The following PXT1 variants were observed in gnomAD, a reference collection of about 807,000 sequenced individuals.
The protein encoded by PXT1 is peroxisomal testis-specific protein 1.
PXT1 carries 11 observed loss-of-function variants against 11.0 expected under a neutral mutation model. The ratio of observed to expected loss-of-function variants is 1.00; its 90% CI spans 0.63 to 1.66. The LOEUF (loss-of-function observed/expected upper bound fraction) is 1.66. Among genes scored for constraint, PXT1 ranks in the 40% most tolerant of loss-of-function variants. The probability of loss-of-function intolerance (pLI) is 0.00; values close to 1 mark genes in which losing one functional copy is unlikely to be tolerated. For synonymous variants in PXT1, 43 were observed against 51.4 expected (o/e 0.84, Z 0.70); for missense variants, 141 against 155.5 (o/e 0.91, Z 0.49).
At chr6:36,427,423 T>C (rs371875136) in intron 2 of PXT1, among the ~76,000 whole-genome samples, 7 of 152,160 alleles carry the variant, frequency 4.6e-5, no homozygotes, top group Non-Finnish European at 8.8e-5. Flanking sequence ...AAATCTAAGT[T>C]ACTGGAAAGG....
rs531881991 is a variant in PXT1, at chr6:36,390,931, G to T, written c.*839C>A. The T allele has an allele frequency of 6.6e-6, 1 of 152,342 alleles. No individual in the cohort carries two copies. The highest frequency in any genetic ancestry group is 6.5e-5 in the Admixed American group (1 of 15,292). The allele number at this position is 152,342 out of a possible 1,614,324, so 9.4% of individuals were successfully genotyped here. ...CTAGAAGGCAGGACTGTTGGCCAAG[G>T]ACTAAGCACTCCCGATTTTAAGCAG... On this transcript the variant is annotated 3_prime_UTR_variant, in exon 5 of 5. Coordinates refer to ENST00000454782, the MANE Select transcript of PXT1 (RefSeq NM_152990.4).
In PXT1 at chr6:36,400,491, T is replaced by C. The variant is rs1390749046; in HGVS notation, c.263A>G (p.His88Arg). The change falls in exon 4 of 5, where the codon CAC (histidine) becomes CGC (arginine). Residue 88 changes from histidine (H) to arginine (R), a missense_variant. His to Arg is a conservative substitution (Grantham distance 29). Coordinates refer to ENST00000454782, the MANE Select transcript of PXT1 (RefSeq NM_152990.4). Reference protein sequence around the residue: ...IIHKLAMQLRHIGDNIDHRMV... With the variant: ...IIHKLAMQLRRIGDNIDHRMV... The stretch of plus-strand genomic sequence containing the variant: ...CCTATGATCAATGTTGTCCCCAATG[T>C]GTCTCAGCTGCATGGCCAACTTGTG... 6.2e-7 allele frequency: 1 copy of C among 1,614,062 alleles called. No homozygotes were observed. Among genetic ancestry groups the C allele is most frequent in the East Asian group, 2.2e-5 (1 of 44,878 alleles).
intron 3 of PXT1, 114 bp downstream of exon 3, chr6:36,425,800 C>CAAAAACAAACAAAAAAA (rs1433662209): frequency 9.2e-6 from 2 of 216,722 alleles, no homozygotes; most frequent in African/African-American, 6.7e-5. Flanking sequence ...AAAACAAAAA[C>CAAAAACAAACAAAAAAA]AAAAAATATA....
chr6:36,396,418 C>T (rs768576294), intron 4 of PXT1, among the ~76,000 whole-genome samples: 49 of 152,214 alleles, frequency 3.2e-4, no homozygotes, highest in Admixed American at 1.1e-3. Context: ...CTACCCCTAC[C>T]CCTGAAGGCT....
At chr6:36,431,897 C>T (rs1303467172) in intron 2 of PXT1, among the ~76,000 whole-genome samples, 2 of 151,954 alleles carry the variant, frequency 1.3e-5, no homozygotes, top group African/African-American at 2.4e-5. Context: ...ATGGTGAAAG[C>T]CCGTCTCCAC....
intron 3 of PXT1, among the ~76,000 whole-genome samples, chr6:36,419,138 G>A (rs1652519035): frequency 6.6e-6 from 1 of 152,214 alleles, no homozygotes; most frequent in South Asian, 2.1e-4. Flanking sequence ...GAAAAAAAGT[G>A]AGGACATCAA....
chr6:36,394,742 T>A (rs1470473871), intron 4 of PXT1, among the ~76,000 whole-genome samples: 1 of 146,886 alleles, frequency 6.8e-6, no homozygotes, highest in Non-Finnish European at 1.5e-5. Context: ...AAAACTGAAT[T>A]AAAAAAAAAA....
Position 36,391,863 on chromosome 6 carries a change from C to G in PXT1, c.312G>C (p.Gln104His), listed in dbSNP as rs776786350. ...AATGATCTAGTGCATCTCTGCCATC[C>G]TGTTGAAGATCCTATTTGAAAAAAG... is the stretch of plus-strand genomic sequence containing the variant. Reference protein sequence around the residue: ...DHRMVREDLQQDGRDALDHFV... With the variant: ...DHRMVREDLQHDGRDALDHFV... Residue 104 changes from glutamine to histidine, a missense_variant, in exon 5 of 5, where the codon CAG becomes CAC. Transcript: ENST00000454782. 14 of 1,607,726 alleles carry G rather than the reference C, an allele frequency of 8.7e-6. No individual in the cohort carries two copies. Among genetic ancestry groups the G allele is most frequent in the Admixed American group, 8.4e-5 (5 of 59,538 alleles).
chr6:36,405,571 T>C (rs540811700), intron 3 of PXT1, among the ~76,000 whole-genome samples: 1 of 152,156 alleles, frequency 6.6e-6, no homozygotes, highest in South Asian at 2.1e-4. Context: ...AGAGACGAGG[T>C]TTCACCATGT....
chr6:36,397,134 A>G (rs543117335), intron 4 of PXT1, among the ~76,000 whole-genome samples: 1 of 152,280 alleles, frequency 6.6e-6, no homozygotes, highest in East Asian at 1.9e-4. Flanking sequence ...TTGTCTGCAT[A>G]CCTCATTCTT....
chr6:36,400,394 A>G (rs1774196336), intron 4 of PXT1, 60 bp downstream of exon 4: 1 of 1,591,490 alleles, frequency 6.3e-7, no homozygotes, highest in Non-Finnish European at 8.6e-7. Context: ...TGGCAGCCGT[A>G]GTTTTGTTTG....
intron 3 of PXT1, among the ~76,000 whole-genome samples, chr6:36,403,868 AAAAT>A (rs1027371885): frequency 7.9e-5 from 12 of 152,202 alleles, no homozygotes; most frequent in Non-Finnish European, 1.6e-4. Flanking sequence ...AACCTGTCTC[AAAAT>A]AAATAAATAA....
chr6:36,432,948 T>C (rs945722890), intron 2 of PXT1, among the ~76,000 whole-genome samples: 1 of 151,594 alleles, frequency 6.6e-6, no homozygotes, highest in South Asian at 2.1e-4. Context: ...AAAAAGGTAC[T>C]TCTTAGGGGA....
At chr6:36,412,054 T>G (rs1774382730) in intron 3 of PXT1, among the ~76,000 whole-genome samples, 2 of 151,288 alleles carry the variant, frequency 1.3e-5, no homozygotes, top group Non-Finnish European at 2.9e-5. Flanking sequence ...AGAGAGGTTT[T>G]TAAAAATAAG....
At chr6:36,397,931 A>G (rs2127409965) in intron 4 of PXT1, among the ~76,000 whole-genome samples, 1 of 152,210 alleles carries the variant, frequency 6.6e-6, no homozygotes, top group South Asian at 2.1e-4. Context: ...TGGGAGGATC[A>G]ATTGAACCCA....
chr6:36,392,543 C>T lies in PXT1; in HGVS notation c.301-669G>A, dbSNP rs570370741. 3.9e-5 allele frequency among the ~76,000 whole-genome samples: 6 copies of T among 152,220 alleles called. No homozygotes were observed. The South Asian group carries it at 1.2e-3, about 32-fold the overall frequency. On this transcript the variant is annotated intron_variant, in intron 4 of 4. Coordinates refer to ENST00000454782, the MANE Select transcript of PXT1 (RefSeq NM_152990.4). Reference sequence around the variant, plus strand: ...AGGCATGGTGGCACACACCTGTAGTCCCAGCTACTCAGGAGGCTGAGGTGG... The same window carrying T: ...AGGCATGGTGGCACACACCTGTAGTTCCAGCTACTCAGGAGGCTGAGGTGG...
chr6:36,439,113 C>T (rs985961686), intron 1 of PXT1, among the ~76,000 whole-genome samples: 39 of 152,000 alleles, frequency 2.6e-4, no homozygotes, highest in Admixed American at 1.3e-3. Flanking sequence ...ATTCTCCTGC[C>T]TCAGCCTCTC....
At chr6:36,416,328 AACAG>A (rs1244784144) in intron 3 of PXT1, among the ~76,000 whole-genome samples, 4 of 152,200 alleles carry the variant, frequency 2.6e-5, no homozygotes, top group Admixed American at 1.3e-4. Flanking sequence ...CTGCCTGGGC[AACAG>A]ACAAAGACCC....
intron 2 of PXT1, among the ~76,000 whole-genome samples, chr6:36,435,471 G>C (rs1343985201): frequency 6.6e-6 from 1 of 152,114 alleles, no homozygotes; most frequent in African/African-American, 2.4e-5. Context: ...GCTGAGGCAG[G>C]AGGATACTTG....
Sources: allele counts gnomAD v4.1 joint callset (sites outside exome capture counted in the v4.1 genomes callset), GRCh38; gene constraint gnomAD v4.1.1; transcripts MANE v1.5; gene names NCBI Gene and HGNC (gene_info 2026-07-23, HGNC 2026-07-21).